The following SFSWAP variants were observed in gnomAD, a reference collection of about 807,000 sequenced individuals.
The protein encoded by SFSWAP is splicing factor, suppressor of white-apricot homolog.
Under a neutral mutation model 100.7 loss-of-function variants are expected in SFSWAP, and 17 were observed. The observed-to-expected ratio is 0.17, with a 90% CI of 0.12 to 0.25. SFSWAP has a LOEUF of 0.25. Among genes scored for constraint, SFSWAP ranks in the 10% least tolerant of loss-of-function variants. SFSWAP has a pLI of 1.00. For synonymous variants in SFSWAP, 504 were observed against 510.1 expected, an observed-to-expected ratio of 0.99 and a Z score of 0.16; for missense variants, 1,005 against 1,262.6, an observed-to-expected ratio of 0.80 and a Z score of 3.09.
At chr12:131,722,818 ACATGCCTGTAGTCT>A (rs746240213) in intron 4 of SFSWAP, among the ~76,000 whole-genome samples, 7 of 152,050 alleles carry the variant, frequency 4.6e-5, no homozygotes, top group Non-Finnish European at 8.8e-5. Flanking sequence ...GCGTGGTGGT[ACATGCCTGTAGTCT>A]CAGCTACTCA....
At chr12:131,786,893 C>G (rs1421754035) in intron 15 of SFSWAP, among the ~76,000 whole-genome samples, 1 of 152,186 alleles carries the variant, frequency 6.6e-6, no homozygotes, top group Non-Finnish European at 1.5e-5. Context: ...TGCCCCTCTA[C>G]CTGCTGGTGG....
Position 131,753,338 on chromosome 12 carries a change from GCCACCTCCACAA to G in SFSWAP, c.1303_1314del (p.Ser435_Thr438del). On this transcript the variant is annotated inframe_deletion, in exon 8 of 18. Transcript: ENST00000261674. ...AACCACAGCAGAGACTAGCAGCGGGGCCACCTCCACAACCACCACCACAAGGTAGGTGCAGCG... is the reference window on the plus strand; with the variant it reads ...AACCACAGCAGAGACTAGCAGCGGGGCCACCACCACAAGGTAGGTGCAGCG... 1 of 1,612,448 alleles carries G rather than the reference GCCACCTCCACAA, an allele frequency of 6.2e-7. No individual in the cohort carries two copies. Among genetic ancestry groups the G allele is most frequent in the South Asian group, 1.1e-5 (1 of 91,008 alleles).
chr12:131,773,678 T>C (rs1478742521), intron 13 of SFSWAP, among the ~76,000 whole-genome samples: 3 of 152,220 alleles, frequency 2.0e-5, no homozygotes, highest in African/African-American at 7.2e-5. Context: ...CTGCCAAGTT[T>C]ACAATTCCAG....
Position 131,754,495 on chromosome 12 carries a change from C to G in SFSWAP, c.1450C>G (p.Gln484Glu). ...FETSVRAKNDQRFEFLQPWHQ... is the reference protein window; with the variant it reads ...FETSVRAKNDERFEFLQPWHQ... ...GACCAGTGTTCGTGCCAAGAATGAT[C>G]AAAGGTCAGAAGAAGAATTTTATAT... The change falls in exon 9 of 18, where the codon CAA becomes GAA. Residue 484 changes from glutamine to glutamate, a missense_variant. Transcript: ENST00000261674. 2 of 1,577,146 alleles carry G rather than the reference C, an allele frequency of 1.3e-6. No individual in the cohort carries two copies. Among genetic ancestry groups the G allele is most frequent in the East Asian group, 2.4e-5 (1 of 42,100 alleles).
At chr12:131,772,805 T>A (rs12320129) in intron 13 of SFSWAP, among the ~76,000 whole-genome samples, 2 of 152,132 alleles carry the variant, frequency 1.3e-5, no homozygotes, top group Non-Finnish European at 2.9e-5. Context: ...TGAGTTCTTG[T>A]CCGGCGTCCA....
intron 14 of SFSWAP, 34 bp from the exon 15 acceptor site, chr12:131,786,429 C>A: frequency 6.4e-7 from 1 of 1,568,000 alleles, no homozygotes; most frequent in African/African-American, 1.3e-5. Context: ...CCAGCCAGGC[C>A]ACAGAGCTGA....
chr12:131,732,064 CA>C (rs1266956052), intron 7 of SFSWAP, among the ~76,000 whole-genome samples: 1 of 151,758 alleles, frequency 6.6e-6, no homozygotes, highest in Non-Finnish European at 1.5e-5. Context: ...CGCTCGTCAC[CA>C]CGCCTGGCTA....
chr12:131,786,463 G>GTCCCGC lies in SFSWAP; in HGVS notation c.2415_2420dup (p.Arg807_Ser808dup). The GTCCCGC allele has an allele frequency of 6.3e-7, 1 of 1,586,264 alleles. No homozygotes were observed. Among genetic ancestry groups the GTCCCGC allele is most frequent in the Non-Finnish European group, 8.6e-7 (1 of 1,167,182 alleles). On this transcript the variant is annotated inframe_insertion and splice_region_variant, in exon 15 of 18. Coordinates refer to ENST00000261674, the MANE Select transcript of SFSWAP (RefSeq NM_004592.4). ...GAACACTGCCTCCTCCCCTGTCCAGGTCCCGCTCCCGGTCCCCTCGGAGGA... is the reference window on the plus strand; with the variant it reads ...GAACACTGCCTCCTCCCCTGTCCAGGTCCCGCTCCCGCTCCCGGTCCCCTCGGAGGA...
chr12:131,749,664 A>G (rs2136219063), intron 7 of SFSWAP, among the ~76,000 whole-genome samples: 1 of 152,320 alleles, frequency 6.6e-6, no homozygotes, highest in South Asian at 2.1e-4. Context: ...AGGATATTTT[A>G]GCACTGAGGC....
chr12:131,726,166 GTA>G (rs903868677), intron 5 of SFSWAP, among the ~76,000 whole-genome samples: 1 of 144,902 alleles, frequency 6.9e-6, no homozygotes, highest in African/African-American at 2.5e-5. Flanking sequence ...TCATATATAT[GTA>G]TATATATACA....
chr12:131,755,825 G>A (rs562567675), intron 10 of SFSWAP, among the ~76,000 whole-genome samples: 50 of 152,370 alleles, frequency 3.3e-4, no homozygotes, highest in Non-Finnish European at 6.2e-4. Context: ...GTGTTAACAT[G>A]TATGAAATAT....
chr12:131,772,561 G>T (rs536994793), intron 13 of SFSWAP, among the ~76,000 whole-genome samples: 2 of 152,208 alleles, frequency 1.3e-5, no homozygotes, highest in Non-Finnish European at 2.9e-5. Context: ...CCACACGAAC[G>T]GACAGGTGCG....
chr12:131,722,810 G>A (rs1037023285), intron 4 of SFSWAP, among the ~76,000 whole-genome samples: 19 of 152,208 alleles, frequency 1.2e-4, no homozygotes, highest in Middle Eastern at 3.4e-3. Context: ...TTAGCCAGGC[G>A]TGGTGGTACA....
rs1885929181 is a variant in SFSWAP, at chr12:131,799,608, A to G, written c.*120A>G. 2 of 710,732 alleles carry G rather than the reference A, an allele frequency of 2.8e-6. No homozygotes were observed. Among genetic ancestry groups the G allele is most frequent in the East Asian group, 2.7e-5 (1 of 36,812 alleles). 44.0% of individuals were successfully genotyped at this position (710,732 alleles called of 1,614,324 possible). Reference sequence around the variant, plus strand: ...GGACCCTTGGTGGCTTTTGTAAATTAATTTTTGATGACATTTTGAGTTTTA... The same window carrying G: ...GGACCCTTGGTGGCTTTTGTAAATTGATTTTTGATGACATTTTGAGTTTTA... On this transcript the variant is annotated 3_prime_UTR_variant, in exon 18 of 18. Transcript: ENST00000261674.
At position 131,753,205 on chromosome 12, in the gene SFSWAP, C is replaced by A; in HGVS notation, c.1164C>A (p.Asp388Glu). Residue 388 changes from aspartate to glutamate, a missense_variant, in exon 8 of 18, where the codon GAC becomes GAA. Asp to Glu is a conservative substitution (Grantham distance 45). This residue lies in a region of SFSWAP where 311 missense variants were observed against 317.8 expected (regional missense o/e 0.98). Transcript: ENST00000261674. ...TGGCGCCGCCCCCTCCCGGAATCGACGTGACTACTTACTACAGCACCCTTC... is the reference window on the plus strand; with the variant it reads ...TGGCGCCGCCCCCTCCCGGAATCGAAGTGACTACTTACTACAGCACCCTTC... The part of the protein sequence containing the change: ...YCLAPPPPGI[D>E]VTTYYSTLPA... 1 of 1,614,098 alleles carries A rather than the reference C, an allele frequency of 6.2e-7. No individual in the cohort carries two copies. Among genetic ancestry groups the A allele is most frequent in the Non-Finnish European group, 8.5e-7 (1 of 1,179,996 alleles).
In SFSWAP at chr12:131,776,454, A is replaced by T. The variant is rs542440867; in HGVS notation, c.2143-1611A>T. ...GCCAGCTCAAGTGGAAACTCATCTT[A>T]AATTGGGGCCTGCCCCACCAGGGCT... On this transcript the variant is annotated intron_variant, in intron 13 of 17. Coordinates refer to ENST00000261674, the MANE Select transcript of SFSWAP (RefSeq NM_004592.4). Among the ~76,000 whole-genome samples the T allele has an allele frequency of 2.6e-5, 4 of 152,392 alleles. 1 individual carries two copies. In the South Asian group the frequency reaches 8.3e-4, roughly 32 times the overall value.
rs750692344 is a variant in SFSWAP at position 131,778,088 on chromosome 12, T to C, written c.2166T>C (p.Pro722=). 6.2e-7 allele frequency: 1 copy of C among 1,613,158 alleles called. No homozygotes were observed. The highest frequency in any genetic ancestry group is 1.1e-5 in the South Asian group (1 of 91,076). The change falls in exon 14 of 18, where the codon CCT becomes CCC. Residue 722 remains proline, a synonymous_variant. Coordinates refer to ENST00000261674, the MANE Select transcript of SFSWAP (RefSeq NM_004592.4). The surrounding 1 kb of genome is among the most constrained non-coding windows in gnomAD (Gnocchi z 4.2). ...SVEESSTTPC[P]LLTGGRPLPT... ...AGGAATCCAGCACTACGCCCTGCCC[T>C]CTACTGACTGGAGGCAGGCCTCTGC...
At chr12:131,756,874 C>T (rs762215014) in intron 11 of SFSWAP, 6 of 521,420 alleles carry the variant, frequency 1.2e-5, no homozygotes, top group Non-Finnish European at 2.0e-5. Context: ...GTCTGTTTAA[C>T]AGTCTGTTCA....
intron 7 of SFSWAP, among the ~76,000 whole-genome samples, chr12:131,735,621 AT>A (rs889375765): frequency 7.9e-5 from 12 of 152,234 alleles, no homozygotes; most frequent in African/African-American, 2.9e-4. Flanking sequence ...GACCCAAACC[AT>A]GAACACATGC....
Sources: gnomAD v4.1 joint callset for allele counts (sites outside exome capture counted in the v4.1 genomes callset) on GRCh38, gnomAD v4.1.1 for gene constraint, gnomAD v4.1.1 regional missense constraint, Gnocchi (gnomAD v3.1) non-coding constraint, MANE v1.5 for transcripts, NCBI Gene and HGNC (gene_info 2026-07-23, HGNC 2026-07-21) for gene names.